The following IL1RAPL2 variants were observed in gnomAD, a reference collection of about 807,000 sequenced individuals.
IL1RAPL2 encodes interleukin 1 receptor accessory protein like 2.
IL1RAPL2 carries 3 observed loss-of-function variants against 44.1 expected under a neutral mutation model. The ratio of observed to expected loss-of-function variants is 0.07; its 90% CI spans 0.03 to 0.18. The LOEUF (loss-of-function observed/expected upper bound fraction) is 0.18. Ranked by LOEUF, IL1RAPL2 falls within the 10% of genes least tolerant of loss-of-function variation. IL1RAPL2 has a pLI of 1.00. For synonymous variants in IL1RAPL2, 181 were observed against 178.8 expected (o/e 1.01, Z -0.10); for missense variants, 391 against 496.4 (o/e 0.79, Z 2.02).
intron 1 of IL1RAPL2, among the ~76,000 whole-genome samples, chrX:104,600,072 G>A (rs142608597): frequency 0.019 from 2,082 of 112,016 alleles, 53 homozygotes; most frequent in African/African-American, 0.063. Context: ...GGAGTGATGC[G>A]ATGATGGAAA....
chrX:104,573,615 A>C (rs1036167386), intron 1 of IL1RAPL2, among the ~76,000 whole-genome samples: 3 of 112,297 alleles, frequency 2.7e-5, no homozygotes, highest in African/African-American at 9.7e-5. Flanking sequence ...TGTTTGGGAG[A>C]CAAATTAGAT....
chrX:104,656,169 T>A (rs756776415), intron 1 of IL1RAPL2, among the ~76,000 whole-genome samples: 17 of 111,410 alleles, frequency 1.5e-4, no homozygotes, highest in Non-Finnish European at 2.6e-4. Context: ...CCTGTCTCTA[T>A]CTCCTTTAGT....
At chrX:105,659,730 C>T (rs1276724961) in intron 6 of IL1RAPL2, among the ~76,000 whole-genome samples, 3 of 108,609 alleles carry the variant, frequency 2.8e-5, no homozygotes, top group Non-Finnish European at 5.7e-5. Flanking sequence ...ATGTAATTGA[C>T]ATACAGAAGA....
intron 2 of IL1RAPL2, among the ~76,000 whole-genome samples, chrX:104,838,657 T>A (rs1312970582): frequency 9.1e-6 from 1 of 110,388 alleles, no homozygotes; most frequent in African/African-American, 3.3e-5. Flanking sequence ...TATACAATCA[T>A]GTCATCAGTA....
At chrX:104,761,916 TCC>T (rs1331783564) in intron 2 of IL1RAPL2, among the ~76,000 whole-genome samples, 5 of 41,902 alleles carry the variant, frequency 1.2e-4, no homozygotes, top group Admixed American at 2.6e-4. Flanking sequence ...CTTCTCCTTC[TCC>T]TTCTCCTTCT....
intron 3 of IL1RAPL2, among the ~76,000 whole-genome samples, chrX:105,223,870 A>G (rs994819177): frequency 8.9e-6 from 1 of 111,892 alleles, no homozygotes; most frequent in Non-Finnish European, 1.9e-5. Context: ...AAATCGTAAT[A>G]GATATGAGGA....
At chrX:104,857,798 C>A (rs975294) in intron 2 of IL1RAPL2, among the ~76,000 whole-genome samples, 5 of 109,972 alleles carry the variant, frequency 4.5e-5, no homozygotes, top group Admixed American at 2.0e-4. Context: ...TCAGCGCTGC[C>A]ATATGGAATG....
chrX:104,967,384 T>TA (rs201185880), intron 2 of IL1RAPL2, among the ~76,000 whole-genome samples: 1 of 111,410 alleles, frequency 9.0e-6, no homozygotes, highest in Non-Finnish European at 1.9e-5. Context: ...AAAGTACATG[T>TA]AAAAACTTGT....
intron 6 of IL1RAPL2, among the ~76,000 whole-genome samples, chrX:105,713,817 A>G (rs778436133): frequency 9.0e-6 from 1 of 111,419 alleles, no homozygotes; most frequent in South Asian, 3.8e-4. Context: ...TTGCTTGGCC[A>G]CACTTTTTGT....
chrX:105,669,341 A>G (rs1420894819), intron 6 of IL1RAPL2, among the ~76,000 whole-genome samples: 1 of 111,038 alleles, frequency 9.0e-6, no homozygotes, highest in East Asian at 2.8e-4. Context: ...TAATATCCCC[A>G]AAGGATGTGA....
chrX:105,245,170 G>C (rs775010496), intron 4 of IL1RAPL2, among the ~76,000 whole-genome samples: 1 of 112,143 alleles, frequency 8.9e-6, no homozygotes, highest in African/African-American at 3.2e-5. Context: ...TGCATGATCC[G>C]TTTTCCAGGT....
At chrX:105,601,109 G>T (rs2037248749) in intron 6 of IL1RAPL2, among the ~76,000 whole-genome samples, 1 of 110,180 alleles carries the variant, frequency 9.1e-6, no homozygotes, top group Non-Finnish European at 1.9e-5. Context: ...AGGTAATTTT[G>T]TTTTTTTTAA....
intron 2 of IL1RAPL2, among the ~76,000 whole-genome samples, chrX:105,091,769 A>C (rs765550335): frequency 8.9e-6 from 1 of 111,847 alleles, no homozygotes; most frequent in South Asian, 3.8e-4. Context: ...TGCTAGAGTC[A>C]TATCTTGTTT....
intron 1 of IL1RAPL2, among the ~76,000 whole-genome samples, chrX:104,597,519 CAG>C (rs1311455414): frequency 9.0e-6 from 1 of 111,312 alleles, no homozygotes; most frequent in Non-Finnish European, 1.9e-5. Flanking sequence ...GGTCATGAGA[CAG>C]AAGAGGGAAC....
chrX:104,809,006 T>C (rs142596415), intron 2 of IL1RAPL2, among the ~76,000 whole-genome samples: 113 of 111,511 alleles, frequency 1.0e-3, no homozygotes, highest in South Asian at 6.8e-3. Context: ...ATAAGACCAA[T>C]AGATGATATA....
chrX:104,988,857 G>A (rs1371848045), intron 2 of IL1RAPL2, among the ~76,000 whole-genome samples: 1 of 111,700 alleles, frequency 9.0e-6, no homozygotes, highest in Non-Finnish European at 1.9e-5. Context: ...ACTATGTGAT[G>A]GTATAGGAAC....
chrX:105,122,997 G>T (rs1409350894), intron 2 of IL1RAPL2, among the ~76,000 whole-genome samples: 4 of 111,447 alleles, frequency 3.6e-5, no homozygotes, highest in Non-Finnish European at 7.6e-5. Context: ...TTATACCCAA[G>T]AGCATCCTGA....
intron 2 of IL1RAPL2, among the ~76,000 whole-genome samples, chrX:104,766,505 T>C (rs1932557130): frequency 9.0e-6 from 1 of 111,650 alleles, no homozygotes; most frequent in Admixed American, 9.5e-5. Flanking sequence ...TCTATCTTCA[T>C]TGATTTCTGT....
chrX:105,032,423 T>G (rs2031522976), intron 2 of IL1RAPL2, among the ~76,000 whole-genome samples: 1 of 110,258 alleles, frequency 9.1e-6, no homozygotes, highest in Admixed American at 9.7e-5. Context: ...TCTGGTATGT[T>G]GTGTCTTTGT....
Sources: allele counts gnomAD v4.1 joint callset (sites outside exome capture counted in the v4.1 genomes callset), GRCh38; gene constraint gnomAD v4.1.1; transcripts MANE v1.5; gene names NCBI Gene and HGNC (gene_info 2026-07-23, HGNC 2026-07-21).